SAP18: variants seen among roughly 807,000 people sequenced by gnomAD.
SAP18 encodes Sin3A associated protein 18.
Under a neutral mutation model 18.6 loss-of-function variants are expected in SAP18, and 4 were observed. That is an observed-to-expected ratio of 0.21 (90% CI 0.11 to 0.49). SAP18 has a LOEUF of 0.49. Ranked by LOEUF, SAP18 falls within the 20% of genes least tolerant of loss-of-function variation. The pLI is 0.98. For missense variants in SAP18, 170 were observed against 226.4 expected (o/e 0.75, Z 1.60); for synonymous variants, 112 against 82.8 (o/e 1.35, Z -1.92).
chr13:21,144,320 G>C (rs761828013), intron 2 of SAP18, among the ~76,000 whole-genome samples: 1 of 141,274 alleles, frequency 7.1e-6, no homozygotes, highest in Non-Finnish European at 1.5e-5. Context: ...CAGGAGAATT[G>C]CTTGAACCCA....
At chr13:21,146,603 C>T (rs541345203) in intron 2 of SAP18, 3 of 372,736 alleles carry the variant, frequency 8.0e-6, no homozygotes, top group Admixed American at 4.3e-5. Flanking sequence ...TTGAAATTTC[C>T]AGCAGTAAGG....
intron 2 of SAP18, among the ~76,000 whole-genome samples, chr13:21,143,003 C>T (rs982964451): frequency 1.3e-5 from 2 of 152,162 alleles, no homozygotes; most frequent in Admixed American, 6.5e-5. Flanking sequence ...TTACAGTATT[C>T]GTCATTTTGG....
At chr13:21,140,757 G>A in intron 1 of SAP18, 76 bp downstream of exon 1, 1 of 1,594,552 alleles carries the variant, frequency 6.3e-7, no homozygotes. Flanking sequence ...CGCGGCCTGT[G>A]TGCTGGAGGA....
chr13:21,149,061 T>G (rs1370570971), exon 4 of SAP18: 5 of 140,162 alleles, frequency 3.6e-5, no homozygotes, highest in Non-Finnish European at 7.4e-5. Flanking sequence ...AAAATAGAAA[T>G]AAATAAGTAG....
intron 2 of SAP18, among the ~76,000 whole-genome samples, chr13:21,142,038 G>C (rs1307825756): frequency 2.7e-5 from 4 of 150,116 alleles, no homozygotes; most frequent in Non-Finnish European, 5.9e-5. Flanking sequence ...TGTAATCCCA[G>C]CACTTTGGGA....
At chr13:21,140,290 C>T (rs777918351), upstream of SAP18, among the ~76,000 whole-genome samples, 1 of 152,198 alleles carries the variant, frequency 6.6e-6, no homozygotes, top group Non-Finnish European at 1.5e-5. Context: ...TTCGTCATTA[C>T]GCATGAAAAC....
At chr13:21,148,489 TAAAAA>T (rs957355948) in exon 4 of SAP18, 1 of 149,522 alleles carries the variant, frequency 6.7e-6, no homozygotes, top group Non-Finnish European at 1.5e-5. Flanking sequence ...TCCCAAAATT[TAAAAA>T]AAAAAGTACC....
chr13:21,143,181 G>C (rs1869530398), intron 2 of SAP18, among the ~76,000 whole-genome samples: 1 of 152,146 alleles, frequency 6.6e-6, no homozygotes, highest in South Asian at 2.1e-4. Context: ...GTGAACATTG[G>C]CATACAAATG....
At chr13:21,147,088 A>G (rs1431165971) in intron 3 of SAP18, 98 bp from the exon 4 acceptor site, 3 of 1,453,262 alleles carry the variant, frequency 2.1e-6, no homozygotes, top group Admixed American at 2.2e-5. Flanking sequence ...GAAGTGTGTT[A>G]TAAAATGATG....
chr13:21,140,633 C>G (rs1869426245), exon 1 of SAP18: 1 of 1,612,670 alleles, frequency 6.2e-7, no homozygotes, highest in African/African-American at 1.3e-5. Flanking sequence ...CGCGCGTTAC[C>G]CAGGAGGAAA....
At chr13:21,140,402 T>A (rs1024399571), upstream of SAP18, 1 of 813,692 alleles carries the variant, frequency 1.2e-6, no homozygotes, top group Non-Finnish European at 1.9e-6. Context: ...CCCGCGGACG[T>A]CAGCACCCGC....
chr13:21,141,708 C>T (rs1869472693), intron 2 of SAP18: 1 of 152,080 alleles, frequency 6.6e-6, no homozygotes, highest in Non-Finnish European at 1.5e-5. Context: ...GCTCTGTTGC[C>T]CAGGCTGGAG....
At chr13:21,140,165 G>T (rs752952654), upstream of SAP18, among the ~76,000 whole-genome samples, 1 of 152,192 alleles carries the variant, frequency 6.6e-6, no homozygotes, top group Non-Finnish European at 1.5e-5. Context: ...CCATGACCAC[G>T]TACGCTGGCG....
chr13:21,140,398 G>T, upstream of SAP18: 2 of 743,994 alleles, frequency 2.7e-6, no homozygotes, highest in South Asian at 1.9e-5. Flanking sequence ...CCTCCCCGCG[G>T]ACGTCAGCAC....
exon 4 of SAP18, chr13:21,148,031 T>C (rs746135655): frequency 3.3e-5 from 5 of 150,534 alleles, no homozygotes; most frequent in African/African-American, 9.7e-5. Context: ...GAGGGAGGGG[T>C]GAAGGAGGAA....
At chr13:21,140,394 C>T (rs1220016195), upstream of SAP18, 2 of 720,282 alleles carry the variant, frequency 2.8e-6, no homozygotes, top group Non-Finnish European at 4.5e-6. Context: ...ACCTCCTCCC[C>T]GCGGACGTCA....
chr13:21,148,394 ACTC>A, exon 4 of SAP18: 1 of 151,948 alleles, frequency 6.6e-6, no homozygotes, highest in Admixed American at 6.6e-5. Context: ...CCATGGCACT[ACTC>A]TCATTTTGAA....
At chr13:21,142,044 T>C (rs946056727) in intron 2 of SAP18, among the ~76,000 whole-genome samples, 1 of 147,552 alleles carries the variant, frequency 6.8e-6, no homozygotes. Context: ...CCCAGCACTT[T>C]GGGAGGCTGA....
chr13:21,148,851 C>A (rs1257801715), exon 4 of SAP18: 1 of 152,182 alleles, frequency 6.6e-6, no homozygotes, highest in African/African-American at 2.4e-5. Flanking sequence ...GGTTGGGCTG[C>A]TTTGTCAAAT....
Sources: allele counts gnomAD v4.1 joint callset (sites outside exome capture counted in the v4.1 genomes callset), GRCh38; gene constraint gnomAD v4.1.1; transcripts MANE v1.5; gene names NCBI Gene and HGNC (gene_info 2026-07-23, HGNC 2026-07-21).